The following CASP6 variants were observed in gnomAD, a reference collection of about 807,000 sequenced individuals.
CASP6 encodes caspase-6.
Under a neutral mutation model 31.8 loss-of-function variants are expected in CASP6, and 20 were observed. That is an observed-to-expected ratio of 0.63 (90% CI 0.44 to 0.91). The LOEUF (loss-of-function observed/expected upper bound fraction) is 0.91, where lower values mean the gene tolerates loss of function less well. Among genes scored for constraint, CASP6 ranks in the 40% least tolerant of loss-of-function variants. The probability of loss-of-function intolerance (pLI) is 0.00; values close to 1 mark genes in which losing one functional copy is unlikely to be tolerated. For missense variants in CASP6, 328 were observed against 361.1 expected (o/e 0.91, Z 0.74); for synonymous variants, 130 against 127.8 (o/e 1.02, Z -0.12).
At chr4:109,683,278 C>T in the CASP6 span, 3 of 152,138 alleles carry the variant, frequency 2.0e-5, no homozygotes, top group Admixed American at 6.6e-5. Context: ...ACTTATAATC[C>T]CATTTGTGGT....
At chr4:109,674,443 A>G in the CASP6 span, among the ~76,000 whole-genome samples, 1 of 152,220 alleles carries the variant, frequency 6.6e-6, no homozygotes, top group Non-Finnish European at 1.5e-5. Flanking sequence ...CCAATCCTGA[A>G]GGTACTCCCA....
At chr4:109,674,796 T>C in the CASP6 span, among the ~76,000 whole-genome samples, 1 of 152,264 alleles carries the variant, frequency 6.6e-6, no homozygotes, top group African/African-American at 2.4e-5. Flanking sequence ...TTAAATGTCA[T>C]CTTGAAATAG....
chr4:109,665,223 AATC>A, the CASP6 span, among the ~76,000 whole-genome samples: 2 of 152,238 alleles, frequency 1.3e-5, no homozygotes, highest in South Asian at 2.1e-4. Flanking sequence ...TAATGTAAAT[AATC>A]ATCTTGTTTT....
upstream of CASP6, among the ~76,000 whole-genome samples, chr4:109,706,015 TATATATATATATATATAA>T (rs1409548702): frequency 0.028 from 2,902 of 103,384 alleles, 404 homozygotes; most frequent in African/African-American, 0.1. Context: ...TATATATATA[TATATATATATATATATAA>T]TATATATAAA....
At chr4:109,692,422 A>C (rs1192435426) in intron 5 of CASP6, 2 of 152,172 alleles carry the variant, frequency 1.3e-5, no homozygotes, top group Non-Finnish European at 2.9e-5. Flanking sequence ...CCAAGAATCT[A>C]AGGCATAGAG....
chr4:109,674,104 TG>T, the CASP6 span: 1 of 1,451,690 alleles, frequency 6.9e-7, no homozygotes, highest in Non-Finnish European at 9.7e-7. Flanking sequence ...TCGGGAATTC[TG>T]GGCAAAACCT....
chr4:109,685,248 A>G, downstream of CASP6: 1 of 1,012,526 alleles, frequency 9.9e-7, no homozygotes, highest in Non-Finnish European at 1.5e-6. Flanking sequence ...CTTTTTTTTT[A>G]AGGATTATAC....
chr4:109,705,998 AAAAATATATAT>A (rs1255298375), upstream of CASP6, among the ~76,000 whole-genome samples: 4 of 54,732 alleles, frequency 7.3e-5, no homozygotes, highest in East Asian at 6.5e-4. Flanking sequence ...AAAAAAAAAA[AAAAATATATAT>A]ATATATATAT....
rs757024540 is a variant in CASP6, at chr4:109,696,781, G to GTTTT, written c.231-299_231-296dup. On this transcript the variant is annotated intron_variant, in intron 3 of 6. Coordinates refer to ENST00000265164, the MANE Select transcript of CASP6 (RefSeq NM_001226.4). ...AGAGTAAGGAAAATAACTCAGGCAA[G>GTTTT]TTTTTTTTTTTTTTTTTTTTTTGAG... Among the ~76,000 whole-genome samples the GTTTT allele has an allele frequency of 1.2e-3, 149 of 126,726 alleles. 1 individual carries two copies. Among genetic ancestry groups the GTTTT allele is most frequent in the African/African-American group, 4.1e-3 (136 of 33,146 alleles). The allele number at this position is 126,726 out of a possible 152,430, so 83.1% of individuals were successfully genotyped here.
At chr4:109,673,472 C>T in the CASP6 span, among the ~76,000 whole-genome samples, 1 of 152,136 alleles carries the variant, frequency 6.6e-6, no homozygotes, top group Non-Finnish European at 1.5e-5. Context: ...GTCAGTGAGC[C>T]CAGGTTTCCC....
rs886954130 is a variant in CASP6 at position 109,697,382 on chromosome 4, C to T, written c.230+240G>A. Among the ~76,000 whole-genome samples, 70 of 151,878 alleles carry T rather than the reference C, an allele frequency of 4.6e-4. 1 individual carries two copies. Among genetic ancestry groups the T allele is most frequent in the African/African-American group, 1.7e-3 (70 of 41,430 alleles). ...GAACTCCTGGGATCAAGCAATCCTC[C>T]CCCTTCAGCCTCCAGAGTAGCTGGG... On this transcript the variant is annotated intron_variant, in intron 3 of 6. Transcript: ENST00000265164.
At chr4:109,709,208 T>C in the CASP6 span, among the ~76,000 whole-genome samples, 3 of 152,288 alleles carry the variant, frequency 2.0e-5, no homozygotes, top group East Asian at 5.8e-4. Context: ...ATCTGAGAAC[T>C]TGTTAGAAAT....
Position 109,697,784 on chromosome 4 carries a change from T to G in CASP6, c.84-16A>C. 6.2e-7 allele frequency: 1 copy of G among 1,611,328 alleles called. No homozygotes were observed. The highest frequency in any genetic ancestry group is 1.1e-5 in the South Asian group (1 of 90,430). On this transcript the variant is annotated splice_polypyrimidine_tract_variant and intron_variant, in intron 2 of 6. Transcript: ENST00000265164. ...AAACATTTCTCTGTTAATGAAAAGT[T>G]GAAAAACAATCACTTCAAGTCATAT... is the stretch of plus-strand genomic sequence containing the variant.
chr4:109,703,702 C>T (rs1164755267), upstream of CASP6: 5 of 479,546 alleles, frequency 1.0e-5, no homozygotes, highest in Non-Finnish European at 1.5e-5. Flanking sequence ...CAGTTGCCAC[C>T]CGGGGGGACA....
intron 1 of CASP6, among the ~76,000 whole-genome samples, chr4:109,699,525 G>A (rs1322774420): frequency 3.3e-5 from 5 of 152,138 alleles, no homozygotes; most frequent in Non-Finnish European, 5.9e-5. Flanking sequence ...CTGTCTGTAC[G>A]CCCTAAGTCA....
intron 4 of CASP6, among the ~76,000 whole-genome samples, chr4:109,695,546 C>G (rs1033623798): frequency 3.9e-5 from 6 of 151,976 alleles, no homozygotes; most frequent in African/African-American, 1.5e-4. Context: ...CACTTGAGGC[C>G]AGTGTTCAAG....
At chr4:109,682,195 G>A in the CASP6 span, among the ~76,000 whole-genome samples, 3 of 152,208 alleles carry the variant, frequency 2.0e-5, no homozygotes, top group African/African-American at 7.2e-5. Context: ...TCTCTCACGA[G>A]GTCTTTGTAA....
At chr4:109,672,345 G>C in the CASP6 span, among the ~76,000 whole-genome samples, 1 of 152,096 alleles carries the variant, frequency 6.6e-6, no homozygotes, top group Non-Finnish European at 1.5e-5. Flanking sequence ...GATCTTCACT[G>C]TGAGAACCTG....
chr4:109,708,413 T>C (rs142001715), upstream of CASP6, among the ~76,000 whole-genome samples: 325 of 152,350 alleles, frequency 2.1e-3, no homozygotes, highest in African/African-American at 7.4e-3. Flanking sequence ...GTTGTACTCG[T>C]TGGAAACAGC....
Sources: allele counts gnomAD v4.1 joint callset (sites outside exome capture counted in the v4.1 genomes callset), GRCh38; gene constraint gnomAD v4.1.1; transcripts MANE v1.5; gene names NCBI Gene and HGNC (gene_info 2026-07-23, HGNC 2026-07-21).